The following ZC3H12B variants were observed in gnomAD, a reference collection of about 807,000 sequenced individuals.
ZC3H12B encodes the protein probable ribonuclease ZC3H12B.
Under a neutral mutation model 43.9 loss-of-function variants are expected in ZC3H12B, and 7 were observed. The ratio of observed to expected loss-of-function variants is 0.16; its 90% CI spans 0.09 to 0.30. The LOEUF is 0.30. ZC3H12B is among the 10% of genes least tolerant of loss of function. The pLI is 1.00. For synonymous variants in ZC3H12B, 222 were observed against 241.7 expected (o/e 0.92, Z 0.76); for missense variants, 475 against 670.2 (o/e 0.71, Z 3.22).
chrX:65,169,809 G>T, the ZC3H12B span, among the ~76,000 whole-genome samples: 1 of 111,471 alleles, frequency 9.0e-6, no homozygotes, highest in Non-Finnish European at 1.9e-5. Flanking sequence ...TGTCTCTTTT[G>T]ATCTTTGTTG....
chrX:65,036,899 A>G, the ZC3H12B span, among the ~76,000 whole-genome samples: 6 of 110,313 alleles, frequency 5.4e-5, no homozygotes, highest in African/African-American at 1.6e-4. Flanking sequence ...GCATTTACCT[A>G]GGGTGTCGTA....
chrX:65,082,487 A>G, the ZC3H12B span, among the ~76,000 whole-genome samples: 4 of 111,810 alleles, frequency 3.6e-5, no homozygotes, highest in Non-Finnish European at 3.8e-5. Flanking sequence ...ATGAGCAACT[A>G]TGTGTCAGTA....
At chrX:65,215,607 C>A in the ZC3H12B span, among the ~76,000 whole-genome samples, 1 of 111,175 alleles carries the variant, frequency 9.0e-6, no homozygotes, top group African/African-American at 3.3e-5. Context: ...CAATCCAGAC[C>A]ACTAAAACTT....
chrX:65,169,590 T>C, the ZC3H12B span, among the ~76,000 whole-genome samples: 3 of 111,574 alleles, frequency 2.7e-5, no homozygotes, highest in Non-Finnish European at 5.7e-5. Context: ...GGATATCCTT[T>C]TTAACTTTCT....
intron 2 of ZC3H12B, among the ~76,000 whole-genome samples, chrX:65,369,578 T>A (rs1188822727): frequency 8.9e-6 from 1 of 111,790 alleles, no homozygotes; most frequent in African/African-American, 3.3e-5. Flanking sequence ...TTTATTTAGT[T>A]TTTGGAGGAA....
At chrX:65,151,984 A>G in the ZC3H12B span, among the ~76,000 whole-genome samples, 5 of 112,226 alleles carry the variant, frequency 4.5e-5, no homozygotes, top group East Asian at 1.4e-3. Flanking sequence ...CAAAAAACAC[A>G]TGATTATCTC....
the ZC3H12B span, among the ~76,000 whole-genome samples, chrX:65,087,494 C>A: frequency 2.7e-5 from 3 of 111,609 alleles, no homozygotes; most frequent in Admixed American, 9.5e-5. Flanking sequence ...ATTTTAAAAT[C>A]TAAACTGAAT....
At chrX:65,300,041 T>G in the ZC3H12B span, among the ~76,000 whole-genome samples, 1 of 112,357 alleles carries the variant, frequency 8.9e-6, no homozygotes, top group African/African-American at 3.2e-5. Flanking sequence ...TGAGTTTGTC[T>G]CACAAGGGTG....
the ZC3H12B span, among the ~76,000 whole-genome samples, chrX:65,256,183 G>A: frequency 8.9e-6 from 1 of 111,775 alleles, no homozygotes; most frequent in Non-Finnish European, 1.9e-5. Context: ...TTGAACAAAT[G>A]GGCCTGACAG....
chrX:65,316,818 G>A, the ZC3H12B span, among the ~76,000 whole-genome samples: 1 of 111,240 alleles, frequency 9.0e-6, no homozygotes, highest in Non-Finnish European at 1.9e-5. Context: ...AAAGTAAAAG[G>A]GCTAAATAAC....
chrX:65,300,895 A>G, the ZC3H12B span, among the ~76,000 whole-genome samples: 1 of 111,214 alleles, frequency 9.0e-6, no homozygotes, highest in African/African-American at 3.3e-5. Context: ...GTAAACAGAC[A>G]ACCTACAGAA....
At chrX:65,169,091 G>T in the ZC3H12B span, among the ~76,000 whole-genome samples, 3 of 111,105 alleles carry the variant, frequency 2.7e-5, no homozygotes, top group Non-Finnish European at 5.7e-5. Flanking sequence ...GAATGTGTTT[G>T]CTCTTGCTTC....
the ZC3H12B span, among the ~76,000 whole-genome samples, chrX:65,113,310 CA>C: frequency 1.9e-4 from 21 of 111,796 alleles, 1 homozygote; most frequent in Admixed American, 2.0e-3. Context: ...GAAATGACAA[CA>C]AAAGATTTAG....
the ZC3H12B span, among the ~76,000 whole-genome samples, chrX:65,036,184 C>A: frequency 9.0e-6 from 1 of 111,591 alleles, no homozygotes. Flanking sequence ...GCAACATTAT[C>A]TTTGATGAAT....
the ZC3H12B span, among the ~76,000 whole-genome samples, chrX:65,175,919 C>G: frequency 8.9e-6 from 1 of 112,291 alleles, no homozygotes; most frequent in South Asian, 3.7e-4. Context: ...CCACAGGTGC[C>G]TACACCACTG....
intron 1 of ZC3H12B, among the ~76,000 whole-genome samples, chrX:65,494,453 G>GA (rs1275010595): frequency 9.3e-6 from 1 of 107,032 alleles, no homozygotes. Flanking sequence ...TGCCAAGGCT[G>GA]AAAAAAAAAA....
chrX:65,405,217 T>C (rs747319458), intron 3 of ZC3H12B, among the ~76,000 whole-genome samples: 1 of 112,458 alleles, frequency 8.9e-6, no homozygotes, highest in South Asian at 3.7e-4. Context: ...AGTTTATAGC[T>C]GTAAGTCCCT....
the ZC3H12B span, among the ~76,000 whole-genome samples, chrX:65,247,279 A>G: frequency 2.7e-5 from 3 of 112,224 alleles, no homozygotes; most frequent in Non-Finnish European, 5.6e-5. Context: ...ATGCTTATAC[A>G]CTGTTGGCGG....
At chrX:65,099,609 T>C in the ZC3H12B span, among the ~76,000 whole-genome samples, 1 of 111,173 alleles carries the variant, frequency 9.0e-6, no homozygotes, top group African/African-American at 3.3e-5. Context: ...CCCTCCAGCA[T>C]ACTGCAGCAG....
Sources: gnomAD v4.1 joint callset for allele counts (sites outside exome capture counted in the v4.1 genomes callset) on GRCh38, gnomAD v4.1.1 for gene constraint, MANE v1.5 for transcripts, NCBI Gene and HGNC (gene_info 2026-07-23, HGNC 2026-07-21) for gene names.